The following ZNF436 variants were observed in gnomAD, a reference collection of about 807,000 sequenced individuals.
The protein encoded by ZNF436 is zinc finger protein 436, also known as DNA-binding protein.
Under a neutral mutation model 41.9 loss-of-function variants are expected in ZNF436, and 22 were observed. The observed-to-expected ratio is 0.53, with a 90% CI of 0.38 to 0.75. The LOEUF (loss-of-function observed/expected upper bound fraction) is 0.75, where lower values mean the gene tolerates loss of function less well. Among genes scored for constraint, ZNF436 ranks in the 30% least tolerant of loss-of-function variants. The probability of loss-of-function intolerance (pLI) is 0.00; values close to 1 mark genes in which losing one functional copy is unlikely to be tolerated. For missense variants in ZNF436, 506 were observed against 587.3 expected, an observed-to-expected ratio of 0.86 and a Z score of 1.43; for synonymous variants, 217 against 197.8, an observed-to-expected ratio of 1.10 and a Z score of -0.82.
chr1:23,364,583 T>C (rs577310690), intron 3 of ZNF436, among the ~76,000 whole-genome samples: 1 of 152,314 alleles, frequency 6.6e-6, no homozygotes, highest in Admixed American at 6.5e-5. Flanking sequence ...TTTACCTATG[T>C]CATAGTTGAC....
At chr1:23,367,270 C>T in intron 2 of ZNF436, 102 bp from the exon 3 acceptor site, 1 of 1,291,004 alleles carries the variant, frequency 7.7e-7, no homozygotes, top group Non-Finnish European at 1.0e-6. Flanking sequence ...TAAATGTGAC[C>T]TATAGAGTCC....
In ZNF436 at chr1:23,360,177, C is replaced by CT. The variant is rs1291246651; in HGVS notation, c.*1791dup. On this transcript the variant is annotated 3_prime_UTR_variant, in exon 4 of 4. Coordinates refer to ENST00000314011, the MANE Select transcript of ZNF436 (RefSeq NM_001077195.2). Reference sequence around the variant, plus strand: ...GGAGTGGCAACATGAAGGAACCCCCCTGGAAGATGGGTTACTTTAAAGGTT... The same window carrying CT: ...GGAGTGGCAACATGAAGGAACCCCCCTTGGAAGATGGGTTACTTTAAAGGTT... 6.6e-6 allele frequency: 1 copy of CT among 152,174 alleles called. No homozygotes were observed. Among genetic ancestry groups the CT allele is most frequent in the Non-Finnish European group, 1.5e-5 (1 of 68,026 alleles). 9.4% of individuals were successfully genotyped at this position (152,174 alleles called of 1,614,324 possible).
intron 3 of ZNF436, 72 bp from the exon 4 acceptor site, chr1:23,363,293 A>AC: frequency 9.1e-7 from 1 of 1,097,336 alleles, no homozygotes; most frequent in South Asian, 1.7e-5. Flanking sequence ...ACTATACTAA[A>AC]TTTTTTTTTT....
At chr1:23,368,119 C>G in intron 1 of ZNF436, 54 bp from the exon 2 acceptor site, 2 of 1,227,562 alleles carry the variant, frequency 1.6e-6, no homozygotes, top group South Asian at 2.6e-5. Flanking sequence ...CCTGCCCACT[C>G]CCCAGGGCTG....
chr1:23,364,485 G>A (rs181487770), intron 3 of ZNF436, among the ~76,000 whole-genome samples: 25 of 152,106 alleles, frequency 1.6e-4, no homozygotes, highest in Non-Finnish European at 2.8e-4. Context: ...TGATCTGCCC[G>A]CCTCAGCCTC....
chr1:23,363,882 A>G (rs1167433556), intron 3 of ZNF436, among the ~76,000 whole-genome samples: 1 of 152,182 alleles, frequency 6.6e-6, no homozygotes, highest in African/African-American at 2.4e-5. Flanking sequence ...TCTACAAAAA[A>G]ATTTAAAAAA....
rs1638448017 is a variant in ZNF436, at chr1:23,369,420, C to T, written c.-115G>A. On this transcript the variant is annotated 5_prime_UTR_variant, in exon 1 of 4. Transcript: ENST00000314011. Reference sequence around the variant, plus strand: ...GTCGTCTCCAAAACCTGAGAGACCGCGAACGGGTTCCAGAGCCGCAGCGTT... The same window carrying T: ...GTCGTCTCCAAAACCTGAGAGACCGTGAACGGGTTCCAGAGCCGCAGCGTT... The T allele has an allele frequency of 1.9e-6, 1 of 534,566 alleles. No individual in the cohort carries two copies. The allele number at this position is 534,566 out of a possible 1,614,324, so 33.1% of individuals were successfully genotyped here.
In ZNF436 at chr1:23,362,708, T is replaced by C; in HGVS notation, c.674A>G (p.Asn225Ser). The part of the protein sequence containing the change: ...IHTGEKPHKC[N>S]ECGKSFCRLS... ...ACGGCAGAAACTTTTTCCACACTCA[T>C]TACATTTGTGAGGCTTCTCTCCAGT... The change falls in exon 4 of 4, where the codon AAT becomes AGT. Residue 225 changes from asparagine to serine, a missense_variant. Asn to Ser is a conservative substitution (Grantham distance 46). Around this residue, in one of 2 missense-constraint regions of ZNF436, gnomAD observed 278 missense variants for 372.1 expected, o/e 0.75. Coordinates refer to ENST00000314011, the MANE Select transcript of ZNF436 (RefSeq NM_001077195.2). The C allele has an allele frequency of 1.2e-6, 2 of 1,614,204 alleles. No individual in the cohort carries two copies. The highest frequency in any genetic ancestry group is 1.7e-6 in the Non-Finnish European group (2 of 1,180,038).
intron 2 of ZNF436, 103 bp from the exon 3 acceptor site, chr1:23,367,271 T>C: frequency 7.7e-7 from 1 of 1,293,604 alleles, no homozygotes; most frequent in African/African-American, 1.5e-5. Flanking sequence ...AAATGTGACC[T>C]ATAGAGTCCA....
intron 2 of ZNF436, among the ~76,000 whole-genome samples, chr1:23,367,590 A>G (rs1290315923): frequency 6.6e-6 from 1 of 152,174 alleles, no homozygotes; most frequent in Non-Finnish European, 1.5e-5. Context: ...TGCCCCAGAT[A>G]GACTTAATCA....
intron 1 of ZNF436, chr1:23,368,886 A>G (rs953368075): frequency 2.4e-4 from 37 of 153,668 alleles, no homozygotes; most frequent in African/African-American, 8.7e-4. Flanking sequence ...CCCACGCACT[A>G]CATCTCCCAA....
Position 23,369,569 on chromosome 1 carries a change from TAAAG to T in ZNF436, c.-268_-265del. On this transcript the variant is annotated 5_prime_UTR_variant, in exon 1 of 4. The change creates a premature stop within an existing upstream ORF in the 5' untranslated region. Coordinates refer to ENST00000314011, the MANE Select transcript of ZNF436 (RefSeq NM_001077195.2). ...AAGCCCAGATATCGTAGGCTGATCC[TAAAG>T]ACTCAGATTCCCGAGGCCTCAGACT... is the stretch of plus-strand genomic sequence containing the variant. 2 of 533,056 alleles carry T rather than the reference TAAAG, an allele frequency of 3.8e-6. No individual in the cohort carries two copies. Among genetic ancestry groups the T allele is most frequent in the Admixed American group, 3.9e-5 (2 of 51,558 alleles). The allele number at this position is 533,056 out of a possible 1,614,324, so 33.0% of individuals were successfully genotyped here. A position where few individuals can be genotyped will look rare whatever the true frequency, so the allele number is the denominator to read the frequency against.
In ZNF436 at chr1:23,367,979, C is replaced by G; in HGVS notation, c.27G>C (p.Gly9=). MAATLLMA[G]SQAPVTFEDM... ...GAAGCCACCTCCGGCTTACCTGGGA[C>G]CCAGCCATGAGCAGGGTGGCTGCCA... is the stretch of plus-strand genomic sequence containing the variant. The change falls in exon 2 of 4, where the codon GGG becomes GGC. Residue 9 remains glycine (G), a synonymous_variant. Transcript: ENST00000314011. 1 of 1,614,124 alleles carries G rather than the reference C, an allele frequency of 6.2e-7. No individual in the cohort carries two copies. The highest frequency in any genetic ancestry group is 2.2e-5 in the East Asian group (1 of 44,886).
rs1415054496 is a variant in ZNF436 at position 23,362,731 on chromosome 1, A to G, written c.651T>C (p.Thr217=). Residue 217 remains threonine, a synonymous_variant, in exon 4 of 4, where the codon ACT becomes ACC. Coordinates refer to ENST00000314011, the MANE Select transcript of ZNF436 (RefSeq NM_001077195.2). ...CATTACATTTGTGAGGCTTCTCTCC[A>G]GTGTGGATTGTCTGATGCTGAATCA... ...SHLIQHQTIH[T]GEKPHKCNEC... is the part of the protein sequence containing the mutation. The G allele has an allele frequency of 6.2e-7, 1 of 1,614,160 alleles. No individual in the cohort carries two copies. Among genetic ancestry groups the G allele is most frequent in the Admixed American group, 1.7e-5 (1 of 60,030 alleles).
Position 23,362,189 on chromosome 1 carries a change from C to T in ZNF436, c.1193G>A (p.Ser398Asn). 1 of 1,614,004 alleles carries T rather than the reference C, an allele frequency of 6.2e-7. No homozygotes were observed. Among genetic ancestry groups the T allele is most frequent in the Non-Finnish European group, 8.5e-7 (1 of 1,179,994 alleles). ...KPYECNECWR[S>N]FGERSDLIKH... ...AATTAGATCTGACCTTTCACCAAAG[C>T]TTCGCCAACACTCATTACACTCATA... The change falls in exon 4 of 4, where the codon AGC becomes AAC. Residue 398 changes from serine (S) to asparagine (N), a missense_variant. Ser to Asn is a conservative substitution (Grantham distance 46, BLOSUM62 1). Coordinates refer to ENST00000314011, the MANE Select transcript of ZNF436 (RefSeq NM_001077195.2).
chr1:23,362,600 C>T lies in ZNF436; in HGVS notation c.782G>A (p.Arg261Gln), dbSNP rs866787292. Residue 261 changes from arginine (R) to glutamine (Q), a missense_variant, in exon 4 of 4, where the codon CGG becomes CAG. This residue lies in a region of ZNF436 where 278 missense variants were observed against 372.1 expected (regional missense o/e 0.75). Transcript: ENST00000314011. ...CTGGTGCTGAGCTAGGTGAGAGCTC[C>T]GGCTGAAGCTTTTCCCACACTCCTC... ...ECEECGKSFS[R>Q]SSHLAQHQRT... 1.4e-5 allele frequency: 23 copies of T among 1,613,942 alleles called. No homozygotes were observed. The highest frequency in any genetic ancestry group is 3.3e-5 in the South Asian group (3 of 91,028).
chr1:23,365,917 C>CAAAAAAAA (rs10634507), intron 3 of ZNF436, among the ~76,000 whole-genome samples: 1 of 98,020 alleles, frequency 1.0e-5, no homozygotes, highest in Non-Finnish European at 1.9e-5. Context: ...GATCCTGTCT[C>CAAAAAAAA]AAAAAAAAAA....
intron 3 of ZNF436, among the ~76,000 whole-genome samples, chr1:23,363,425 A>G (rs920226429): frequency 6.6e-6 from 1 of 151,938 alleles, no homozygotes; most frequent in African/African-American, 2.4e-5. Flanking sequence ...AGTAGCTGGG[A>G]CTACAGGTGC....
In ZNF436 at chr1:23,361,948, C is replaced by T. The variant is rs1176858899; in HGVS notation, c.*21G>A. 6.4e-7 allele frequency: 1 copy of T among 1,551,234 alleles called. No individual in the cohort carries two copies. Among genetic ancestry groups the T allele is most frequent in the Non-Finnish European group, 8.7e-7 (1 of 1,150,758 alleles). On this transcript the variant is annotated 3_prime_UTR_variant, in exon 4 of 4. Transcript: ENST00000314011. ...AATTGTATCTTCAAATGAATCATTT[C>T]TCAGCCATCATAATTACAGCTTAGT...
Sources: gnomAD v4.1 joint callset for allele counts (sites outside exome capture counted in the v4.1 genomes callset) on GRCh38, gnomAD v4.1.1 for gene constraint, gnomAD v4.1.1 regional missense constraint, MANE v1.5 for transcripts, NCBI Gene and HGNC (gene_info 2026-07-23, HGNC 2026-07-21) for gene names.